The following DEPDC1B variants were observed in gnomAD, a reference collection of about 807,000 sequenced individuals.
DEPDC1B encodes DEP domain-containing protein 1B.
In DEPDC1B, 51 loss-of-function variants were observed where a neutral mutation model predicts 66.5. That is an observed-to-expected ratio of 0.77 (90% CI 0.61 to 0.97). DEPDC1B has a LOEUF of 0.97. Ranked by LOEUF, DEPDC1B falls within the 50% of genes least tolerant of loss-of-function variation. The pLI is 0.00. For missense variants in DEPDC1B, 552 were observed against 637.1 expected (o/e 0.87, Z 1.44); for synonymous variants, 226 against 223.6 (o/e 1.01, Z -0.10).
intron 7 of DEPDC1B, among the ~76,000 whole-genome samples, chr5:60,629,546 T>G (rs1024722319): frequency 5.3e-5 from 8 of 152,230 alleles, no homozygotes; most frequent in Admixed American, 3.9e-4. Flanking sequence ...TTTGTAACAT[T>G]AATTCCAATT....
intron 7 of DEPDC1B, among the ~76,000 whole-genome samples, chr5:60,616,502 C>A (rs1017105206): frequency 3.3e-5 from 5 of 152,114 alleles, no homozygotes; most frequent in African/African-American, 1.2e-4. Flanking sequence ...AATGCACAAG[C>A]CTCAGTTGCT....
intron 2 of DEPDC1B, among the ~76,000 whole-genome samples, chr5:60,666,773 C>G (rs982934971): frequency 6.6e-6 from 1 of 152,134 alleles, no homozygotes; most frequent in Non-Finnish European, 1.5e-5. Flanking sequence ...ACCGACTACC[C>G]TAAGACCATC....
At chr5:60,605,404 A>G (rs1447850047) in intron 8 of DEPDC1B, among the ~76,000 whole-genome samples, 1 of 152,242 alleles carries the variant, frequency 6.6e-6, no homozygotes, top group East Asian at 1.9e-4. Flanking sequence ...AACATCACAT[A>G]TGCAATTATT....
intron 7 of DEPDC1B, among the ~76,000 whole-genome samples, chr5:60,616,554 C>A (rs966328500): frequency 4.6e-5 from 7 of 152,028 alleles, no homozygotes; most frequent in Non-Finnish European, 7.4e-5. Context: ...GATGGAAGAT[C>A]AAATGAATGA....
At chr5:60,611,985 G>A (rs1471749070) in intron 7 of DEPDC1B, among the ~76,000 whole-genome samples, 6 of 152,170 alleles carry the variant, frequency 3.9e-5, no homozygotes, top group Non-Finnish European at 8.8e-5. Context: ...TAGGACATTT[G>A]TAACTAGAAG....
rs1363221550 is a variant in DEPDC1B at position 60,638,776 on chromosome 5, A to G, written c.872T>C (p.Leu291Pro). ...CAGTACACTGACAAAAGCATCAAAA[A>G]GATGAAATGTAAGTAGAGGCTCTTT... is the stretch of plus-strand genomic sequence containing the variant. ...HLKEPLLTFH[L>P]FDAFVSVLGL... Residue 291 changes from leucine to proline, a missense_variant, in exon 7 of 11, where the codon CTT becomes CCT. Coordinates refer to ENST00000265036, the MANE Select transcript of DEPDC1B (RefSeq NM_018369.3). The G allele has an allele frequency of 1.2e-6, 2 of 1,610,660 alleles. No individual in the cohort carries two copies. The highest frequency in any genetic ancestry group is 1.7e-6 in the Non-Finnish European group (2 of 1,178,758).
At chr5:60,616,347 G>T (rs962810281) in intron 7 of DEPDC1B, among the ~76,000 whole-genome samples, 1 of 152,080 alleles carries the variant, frequency 6.6e-6, no homozygotes, top group Admixed American at 6.6e-5. Flanking sequence ...CTACTCTGAG[G>T]TAAAGGAGGA....
intron 2 of DEPDC1B, among the ~76,000 whole-genome samples, chr5:60,664,438 T>C (rs1045847349): frequency 7.2e-5 from 11 of 152,202 alleles, no homozygotes; most frequent in Admixed American, 5.9e-4. Context: ...CAGACAACCA[T>C]TTGCTTAAAT....
Position 60,687,217 on chromosome 5 carries a change from G to T in DEPDC1B, c.59C>A (p.Thr20Asn), listed in dbSNP as rs763787134. The change falls in exon 2 of 11, where the codon ACC becomes AAC. Residue 20 changes from threonine to asparagine, a missense_variant. Transcript: ENST00000265036. ...CATCTTAGCACGAAAAAGCTCCACG[G>T]TCTCATTCCACTAGGGGAAAGAAAG... Reference protein sequence around the residue: ...PYRATRLWNETVELFRAKMPL... With the variant: ...PYRATRLWNENVELFRAKMPL... The T allele has an allele frequency of 1.2e-6, 2 of 1,608,974 alleles. No individual in the cohort carries two copies. The highest frequency in any genetic ancestry group is 2.2e-5 in the South Asian group (2 of 91,022).
chr5:60,690,435 TTAAAAA>T (rs1246945505), intron 1 of DEPDC1B, among the ~76,000 whole-genome samples: 2 of 152,198 alleles, frequency 1.3e-5, no homozygotes, highest in East Asian at 3.8e-4. Context: ...TACAACAAAC[TTAAAAA>T]TAAAGGAAAG....
At chr5:60,664,829 G>A (rs1753801748) in intron 2 of DEPDC1B, among the ~76,000 whole-genome samples, 1 of 152,126 alleles carries the variant, frequency 6.6e-6, no homozygotes, top group Non-Finnish European at 1.5e-5. Flanking sequence ...ATCTAAGTAT[G>A]CTTACCTAGT....
rs1395516195 is a variant in DEPDC1B, at chr5:60,603,557, G to A, written c.1076C>T (p.Thr359Ile). The part of the protein sequence containing the change: ...GFGTRTLMVQ[T>I]FSRCILCSKD... The stretch of plus-strand genomic sequence containing the variant: ...GGAACACAAGATGCAACGGGAAAAT[G>A]TCTGAACCATCTAAAAAAAGAGCGG... Residue 359 changes from threonine (T) to isoleucine (I), a missense_variant, in exon 9 of 11, where the codon ACA becomes ATA. Physicochemically the swap from Thr to Ile is moderately conservative, Grantham distance 89. Coordinates refer to ENST00000265036, the MANE Select transcript of DEPDC1B (RefSeq NM_018369.3). 6.3e-7 allele frequency: 1 copy of A among 1,596,566 alleles called. No homozygotes were observed.
At chr5:60,615,934 T>C (rs1246782729) in intron 7 of DEPDC1B, among the ~76,000 whole-genome samples, 2 of 152,166 alleles carry the variant, frequency 1.3e-5, no homozygotes, top group African/African-American at 4.8e-5. Context: ...GGTACTCCTC[T>C]GAGAAAAAAC....
chr5:60,609,294 C>T (rs1752370514), intron 7 of DEPDC1B, among the ~76,000 whole-genome samples: 1 of 152,130 alleles, frequency 6.6e-6, no homozygotes, highest in African/African-American at 2.4e-5. Flanking sequence ...CTCCCTTTTC[C>T]TCCCTCCTGT....
intron 1 of DEPDC1B, among the ~76,000 whole-genome samples, chr5:60,699,283 G>A (rs912433384): frequency 3.5e-5 from 4 of 115,932 alleles, no homozygotes; most frequent in Non-Finnish European, 5.7e-5. Context: ...GGCCAGAGAG[G>A]TCGGCAGACC....
intron 7 of DEPDC1B, among the ~76,000 whole-genome samples, chr5:60,620,884 C>A (rs1752685291): frequency 6.6e-6 from 1 of 152,198 alleles, no homozygotes; most frequent in Non-Finnish European, 1.5e-5. Flanking sequence ...AGACTTGGAA[C>A]CAACCCAAAT....
At chr5:60,693,818 A>C (rs1754596420) in intron 1 of DEPDC1B, among the ~76,000 whole-genome samples, 1 of 152,022 alleles carries the variant, frequency 6.6e-6, no homozygotes, top group African/African-American at 2.4e-5. Context: ...TTCATTTATC[A>C]TTAGATTGTT....
chr5:60,668,282 T>C lies in DEPDC1B; in HGVS notation c.314+18680A>G, dbSNP rs1317604960. Among the ~76,000 whole-genome samples, 2 of 129,542 alleles carry C rather than the reference T, an allele frequency of 1.5e-5. 1 individual carries two copies. Among genetic ancestry groups the C allele is most frequent in the Non-Finnish European group, 3.3e-5 (2 of 60,884 alleles). 85.0% of individuals were successfully genotyped at this position (129,542 alleles called of 152,430 possible). ...TTATATATATATATATATATATGTA[T>C]TTTTTTTTTTGAGATGGAGTCTCGC... On this transcript the variant is annotated intron_variant, in intron 2 of 10. Transcript: ENST00000265036.
chr5:60,641,922 T>C (rs1189195297), intron 6 of DEPDC1B, among the ~76,000 whole-genome samples: 5 of 152,212 alleles, frequency 3.3e-5, no homozygotes, highest in African/African-American at 7.2e-5. Context: ...AAGGATAGTA[T>C]AGAATGAATG....
Sources: gnomAD v4.1 joint callset for allele counts (sites outside exome capture counted in the v4.1 genomes callset) on GRCh38, gnomAD v4.1.1 for gene constraint, MANE v1.5 for transcripts, NCBI Gene and HGNC (gene_info 2026-07-23, HGNC 2026-07-21) for gene names.